Variants in MR1 observed in about 807,000 individuals in gnomAD.
MR1 encodes the protein major histocompatibility complex class I-related protein 1.
MR1 carries 44 observed loss-of-function variants against 37.8 expected under a neutral mutation model. The ratio of observed to expected loss-of-function variants is 1.16; its 90% CI spans 0.91 to 1.50. The LOEUF is 1.50. MR1 is among the 40% of genes most tolerant of loss of function. MR1 has a pLI of 0.00. For synonymous variants in MR1, 153 were observed against 155.8 expected (o/e 0.98, Z 0.13); for missense variants, 386 against 419.1 (o/e 0.92, Z 0.69).
intron 1 of MR1, among the ~76,000 whole-genome samples, chr1:181,045,463 C>A (rs985948759): frequency 1.3e-5 from 2 of 152,024 alleles, no homozygotes; most frequent in African/African-American, 2.4e-5. Flanking sequence ...GGTTCCCATG[C>A]ACGCCCCGCC....
At chr1:181,041,390 T>C (rs1404937077) in intron 1 of MR1, among the ~76,000 whole-genome samples, 1 of 152,212 alleles carries the variant, frequency 6.6e-6, no homozygotes, top group East Asian at 1.9e-4. Flanking sequence ...TCAGAGATCA[T>C]AAAAATAGAA....
At chr1:181,037,941 G>C (rs570460193) in intron 1 of MR1, among the ~76,000 whole-genome samples, 32 of 151,940 alleles carry the variant, frequency 2.1e-4, no homozygotes, top group African/African-American at 7.3e-4. Context: ...ACCTGCTGTG[G>C]TCCCTCTATC....
Position 181,039,141 on chromosome 1 carries a change from T to C in MR1, c.67+5067T>C, listed in dbSNP as rs146040084. 6.5e-4 allele frequency among the ~76,000 whole-genome samples: 99 copies of C among 152,358 alleles called. 3 individuals are homozygous for C. The East Asian group carries it at 0.017, about 26-fold the overall frequency. On this transcript the variant is annotated intron_variant, in intron 1 of 5. Transcript: ENST00000367580. ...ATTTTCTATCTGTGGGTTGGAATTATAAGACCTACCTCAAAAGTTTGTTAG... is the reference window on the plus strand; with the variant it reads ...ATTTTCTATCTGTGGGTTGGAATTACAAGACCTACCTCAAAAGTTTGTTAG...
In MR1 at chr1:181,061,559, C is replaced by G. The variant is rs898748265; in HGVS notation, c.*6294C>G. ...TCATTTAGACTGGTAGAACCAGAAC[C>G]ACTGTGTAGTACATCCAAACGGTTA... is the stretch of plus-strand genomic sequence containing the variant. On this transcript the variant is annotated 3_prime_UTR_variant, in exon 6 of 6. Transcript: ENST00000367580. 10 of 152,306 alleles carry G rather than the reference C, an allele frequency of 6.6e-5. No individual in the cohort carries two copies. The highest frequency in any genetic ancestry group is 2.4e-4 in the African/African-American group (10 of 41,566). 9.4% of individuals were successfully genotyped at this position (152,306 alleles called of 1,614,324 possible).
In MR1 at chr1:181,058,028, ATAAG is replaced by A. The variant is rs1658708443; in HGVS notation, c.*2771_*2774del. ...TCCATCTCAAAAAAATAAAAATAAA[ATAAG>A]TAAGTAATACCTAAAATTCTGCAAC... On this transcript the variant is annotated 3_prime_UTR_variant, in exon 6 of 6. Transcript: ENST00000367580. The A allele has an allele frequency of 6.6e-6, 1 of 152,226 alleles. No homozygotes were observed. Among genetic ancestry groups the A allele is most frequent in the African/African-American group, 2.4e-5 (1 of 41,450 alleles). 9.4% of individuals were successfully genotyped at this position (152,226 alleles called of 1,614,324 possible). A position where few individuals can be genotyped will look rare whatever the true frequency, so the allele number is the denominator to read the frequency against.
chr1:181,057,389 C>G lies in MR1; in HGVS notation c.*2124C>G, dbSNP rs1658676279. On this transcript the variant is annotated 3_prime_UTR_variant, in exon 6 of 6. Coordinates refer to ENST00000367580, the MANE Select transcript of MR1 (RefSeq NM_001385161.1). ...TTATTTCTGGAATGGTTTCTTCTTA[C>G]AATCAGAATAGTTAGGATGTAATAT... The G allele has an allele frequency of 6.6e-6, 1 of 152,158 alleles. No individual in the cohort carries two copies. Among genetic ancestry groups the G allele is most frequent in the South Asian group, 2.1e-4 (1 of 4,834 alleles). 9.4% of individuals were successfully genotyped at this position (152,158 alleles called of 1,614,324 possible). A position where few individuals can be genotyped will look rare whatever the true frequency, so the allele number is the denominator to read the frequency against.
rs897881462 is a variant in MR1, at chr1:181,055,321, C to G, written c.*56C>G. Reference sequence around the variant, plus strand: ...CTCTAGGAGCCATGTTATCCTCTGTCCCCCATAGAGTCAAGCCTAGTGCTT... The same window carrying G: ...CTCTAGGAGCCATGTTATCCTCTGTGCCCCATAGAGTCAAGCCTAGTGCTT... On this transcript the variant is annotated 3_prime_UTR_variant, in exon 6 of 6. Coordinates refer to ENST00000367580, the MANE Select transcript of MR1 (RefSeq NM_001385161.1). 6.6e-7 allele frequency: 1 copy of G among 1,515,494 alleles called. No homozygotes were observed. The highest frequency in any genetic ancestry group is 1.4e-5 in the African/African-American group (1 of 72,628). The allele number at this position is 1,515,494 out of a possible 1,614,324, so 93.9% of individuals were successfully genotyped here.
chr1:181,050,154 G>T lies in MR1; in HGVS notation c.472G>T (p.Ala158Ser). 1 of 1,614,240 alleles carries T rather than the reference G, an allele frequency of 6.2e-7. No individual in the cohort carries two copies. The highest frequency in any genetic ancestry group is 8.5e-7 in the Non-Finnish European group (1 of 1,180,046). Residue 158 changes from alanine (A) to serine (S), a missense_variant, in exon 3 of 6, where the codon GCT becomes TCT. Transcript: ENST00000367580. ...TLSWLAVDNV[A>S]HTIKQAWEAN... ...CTCCTGGCTGGCTGTAGATAATGTG[G>T]CTCACACCATCAAGCAGGCATGGGA...
chr1:181,051,402 A>AT (rs1658312301), intron 3 of MR1: 2 of 152,182 alleles, frequency 1.3e-5, no homozygotes, highest in Non-Finnish European at 1.5e-5. Flanking sequence ...CTACTACCAA[A>AT]TATCATGCCT....
chr1:181,049,807 C>T, intron 2 of MR1: 2 of 595,544 alleles, frequency 3.4e-6, no homozygotes, highest in South Asian at 4.2e-5. Context: ...ACTCCTTTGA[C>T]AGGCAGTAGG....
chr1:181,045,149 A>G (rs1657781465), intron 1 of MR1, among the ~76,000 whole-genome samples: 1 of 152,230 alleles, frequency 6.6e-6, no homozygotes, highest in Non-Finnish European at 1.5e-5. Flanking sequence ...CAATTTAGCC[A>G]TGAAATTTTA....
At chr1:181,051,459 G>A (rs750845686) in intron 3 of MR1, among the ~76,000 whole-genome samples, 11 of 152,022 alleles carry the variant, frequency 7.2e-5, no homozygotes, top group Admixed American at 5.2e-4. Flanking sequence ...GCTCTTCTCC[G>A]TATTGGGTTG....
chr1:181,051,966 C>G lies in MR1; in HGVS notation c.605-269C>G, dbSNP rs116041161. Among the ~76,000 whole-genome samples, 1,384 of 152,320 alleles carry G rather than the reference C, an allele frequency of 9.1e-3. 24 individuals carry two copies. Among genetic ancestry groups the G allele is most frequent in the East Asian group, 0.031 (160 of 5,188 alleles). ...AAAGGTTACTAGTAAACAACCCCAG[C>G]ACACTTTCCAAACAGTCAAAGCTGT... On this transcript the variant is annotated intron_variant, in intron 3 of 5. Transcript: ENST00000367580.
At chr1:181,040,159 C>T (rs1040967788) in intron 1 of MR1, among the ~76,000 whole-genome samples, 2 of 151,970 alleles carry the variant, frequency 1.3e-5, no homozygotes, top group Non-Finnish European at 2.9e-5. Flanking sequence ...AGACAGAATA[C>T]CAAATTCTAA....
intron 1 of MR1, among the ~76,000 whole-genome samples, chr1:181,043,370 C>G (rs1657671183): frequency 6.6e-6 from 1 of 152,230 alleles, no homozygotes; most frequent in African/African-American, 2.4e-5. Context: ...GATACCTACT[C>G]TGAACCCTGC....
At chr1:181,045,143 T>G (rs1281476751) in intron 1 of MR1, among the ~76,000 whole-genome samples, 1 of 152,154 alleles carries the variant, frequency 6.6e-6, no homozygotes, top group Non-Finnish European at 1.5e-5. Flanking sequence ...TCATCTCAAT[T>G]TAGCCATGAA....
At chr1:181,048,216 C>CA (rs1312724877) in intron 1 of MR1, among the ~76,000 whole-genome samples, 4 of 130,466 alleles carry the variant, frequency 3.1e-5, no homozygotes, top group African/African-American at 1.3e-4. Context: ...GACTCCATCT[C>CA]AAAAAAATAA....
rs1342521293 is a variant in MR1, at chr1:181,060,729, C to G, written c.*5464C>G. On this transcript the variant is annotated 3_prime_UTR_variant, in exon 6 of 6. Coordinates refer to ENST00000367580, the MANE Select transcript of MR1 (RefSeq NM_001385161.1). ...AGTGTTCTTGGTCTTCAACTTTCAT[C>G]CCTGATGGTGAAAGCAGTTGCTCCT... The G allele has an allele frequency of 2.6e-5, 4 of 152,254 alleles. No homozygotes were observed. Among genetic ancestry groups the G allele is most frequent in the African/African-American group, 9.7e-5 (4 of 41,446 alleles). 9.4% of individuals were successfully genotyped at this position (152,254 alleles called of 1,614,324 possible).
In MR1 at chr1:181,055,454, CTG is replaced by C. The variant is rs944159179; in HGVS notation, c.*191_*192del. ...TCTTTGTTCTTTGGCTCCAAAAAGA[CTG>C]TCAGCTTTCAGTCTCTTTTGATGGA... On this transcript the variant is annotated 3_prime_UTR_variant, in exon 6 of 6. Transcript: ENST00000367580. 1.4e-5 allele frequency: 8 copies of C among 580,984 alleles called. No homozygotes were observed. In the African/African-American group the frequency reaches 1.5e-4, roughly 11 times the overall value. The allele number at this position is 580,984 out of a possible 1,614,324, so 36.0% of individuals were successfully genotyped here.
Sources: allele counts gnomAD v4.1 joint callset (sites outside exome capture counted in the v4.1 genomes callset), GRCh38; gene constraint gnomAD v4.1.1; transcripts MANE v1.5; gene names NCBI Gene and HGNC (gene_info 2026-07-23, HGNC 2026-07-21).